PON3: variants seen among roughly 807,000 people sequenced by gnomAD.
PON3 encodes serum paraoxonase/lactonase 3.
In PON3, 37 loss-of-function variants were observed where a neutral mutation model predicts 36.3. That is an observed-to-expected ratio of 1.02 (90% CI 0.78 to 1.34). The LOEUF (loss-of-function observed/expected upper bound fraction) is 1.34. Ranked by LOEUF, PON3 falls within the 40% of genes most tolerant of loss-of-function variation. The pLI is 0.00. For synonymous variants in PON3, 155 were observed against 154.8 expected, an observed-to-expected ratio of 1.00 and a Z score of -0.01; for missense variants, 415 against 426.5, an observed-to-expected ratio of 0.97 and a Z score of 0.24.
At chr7:95,382,985 A>G (rs1269651372) in intron 3 of PON3, among the ~76,000 whole-genome samples, 1 of 152,204 alleles carries the variant, frequency 6.6e-6, no homozygotes, top group African/African-American at 2.4e-5. Context: ...CCAGCAGCAC[A>G]TCAAAAAGCT....
chr7:95,385,212 G>A (rs1809161352), intron 3 of PON3, among the ~76,000 whole-genome samples: 1 of 152,108 alleles, frequency 6.6e-6, no homozygotes, highest in Non-Finnish European at 1.5e-5. Context: ...GTGGGGTAGG[G>A]GGAAGAGGGA....
At chr7:95,362,986 G>C (rs1447222975) in intron 6 of PON3, 145 bp from the exon 7 acceptor site, 5 of 674,686 alleles carry the variant, frequency 7.4e-6, no homozygotes, top group South Asian at 1.6e-5. Flanking sequence ...GAAGATAATG[G>C]GGTAGTATTT....
At chr7:95,366,102 G>C (rs185408012) in intron 5 of PON3, among the ~76,000 whole-genome samples, 2 of 152,062 alleles carry the variant, frequency 1.3e-5, no homozygotes, top group African/African-American at 4.8e-5. Flanking sequence ...CCTCACACTG[G>C]TTTCTCAAGT....
At chr7:95,390,692 G>C (rs550813806) in intron 2 of PON3, among the ~76,000 whole-genome samples, 32 of 152,246 alleles carry the variant, frequency 2.1e-4, no homozygotes, top group African/African-American at 7.5e-4. Context: ...GGAAATTATT[G>C]AGTAATAAAC....
At chr7:95,373,969 A>G (rs1416132403) in intron 3 of PON3, among the ~76,000 whole-genome samples, 3 of 152,134 alleles carry the variant, frequency 2.0e-5, no homozygotes, top group Non-Finnish European at 4.4e-5. Context: ...GTGGCATTAA[A>G]TTCTCATAGG....
At position 95,386,194 on chromosome 7, in the gene PON3, C is replaced by A. The variant is rs1364513369; in HGVS notation, c.201+3960G>T. ...TTCAAAAAATCAATGAATGCAGGAGCTGCTCTTTTGAAAAAATCAACAAAA... is the reference window on the plus strand; with the variant it reads ...TTCAAAAAATCAATGAATGCAGGAGATGCTCTTTTGAAAAAATCAACAAAA... On this transcript the variant is annotated intron_variant, in intron 3 of 8. Transcript: ENST00000265627. Among the ~76,000 whole-genome samples the A allele has an allele frequency of 3.8e-4, 58 of 152,206 alleles. 1 individual carries two copies. The highest frequency in any genetic ancestry group is 3.8e-3 in the Admixed American group (58 of 15,274).
chr7:95,389,650 G>C lies in PON3; in HGVS notation c.201+504C>G, dbSNP rs575044104. ...TGCAGTCTGTTCTCTATTTCTCTTT[G>C]AAAGACTTGTTAAGAATGGCAGGGA... On this transcript the variant is annotated intron_variant, in intron 3 of 8. Coordinates refer to ENST00000265627, the MANE Select transcript of PON3 (RefSeq NM_000940.3). Among the ~76,000 whole-genome samples, 21 of 152,182 alleles carry C rather than the reference G, an allele frequency of 1.4e-4. No individual in the cohort carries two copies. In the South Asian group the frequency reaches 3.9e-3, roughly 29 times the overall value.
intron 4 of PON3, 32 bp downstream of exon 4, chr7:95,372,141 T>G (rs1294943099): frequency 1.4e-5 from 23 of 1,599,752 alleles, no homozygotes; most frequent in Non-Finnish European, 2.0e-5. Flanking sequence ...TTTCCCTCAT[T>G]TCCCCCTTAT....
rs1808826147 is a variant in PON3, at chr7:95,372,328, T to C, written c.212A>G (p.Tyr71Cys). ...TGGCGCAAAGTTTGGCATGCCTGGA[T>C]ATTTTAATCCCTTTTAAAAATAAAG... ...GLAFISSGLKYPGMPNFAPDE... is the reference protein window; with the variant it reads ...GLAFISSGLKCPGMPNFAPDE... Residue 71 changes from tyrosine to cysteine, a missense_variant, in exon 4 of 9, where the codon TAT becomes TGT. Tyr to Cys is a radical substitution (Grantham distance 194). Transcript: ENST00000265627. 1 of 1,613,758 alleles carries C rather than the reference T, an allele frequency of 6.2e-7. No individual in the cohort carries two copies.
chr7:95,362,676 C>T, intron 7 of PON3, 84 bp downstream of exon 7: 6 of 1,400,316 alleles, frequency 4.3e-6, no homozygotes, highest in Middle Eastern at 1.8e-4. Flanking sequence ...GCCATGTTTT[C>T]CTCATTCAAG....
intron 5 of PON3, chr7:95,364,939 A>C (rs1296983793): frequency 3.3e-5 from 5 of 152,178 alleles, no homozygotes; most frequent in Non-Finnish European, 7.4e-5. Flanking sequence ...ATAATGCTTA[A>C]ACATTTTTAG....
intron 3 of PON3, among the ~76,000 whole-genome samples, chr7:95,388,792 A>C (rs755182045): frequency 7.2e-5 from 11 of 152,202 alleles, no homozygotes; most frequent in Non-Finnish European, 1.5e-4. Flanking sequence ...CTTTGCAGGG[A>C]CATGGATGAA....
At chr7:95,380,736 T>C (rs1809032204) in intron 3 of PON3, among the ~76,000 whole-genome samples, 1 of 152,192 alleles carries the variant, frequency 6.6e-6, no homozygotes, top group African/African-American at 2.4e-5. Context: ...TTGGTGTACC[T>C]GAAAGTGACG....
intron 2 of PON3, 80 bp downstream of exon 2, chr7:95,394,564 A>T: frequency 7.8e-7 from 1 of 1,283,076 alleles, no homozygotes; most frequent in Non-Finnish European, 1.1e-6. Context: ...ACAGGTAATT[A>T]AATGAGCTGG....
rs569993455 is a variant in PON3, at chr7:95,369,976, T to C, written c.367+2197A>G. Among the ~76,000 whole-genome samples the C allele has an allele frequency of 2.1e-4, 32 of 152,184 alleles. No homozygotes were observed. The South Asian group carries it at 6.6e-3, about 32-fold the overall frequency. ...CATTCCAGGCAGAGGGAACAGCAGA[T>C]GTAAAGATCCTGAGGCATGAGACAC... On this transcript the variant is annotated intron_variant, in intron 4 of 8. Transcript: ENST00000265627.
intron 3 of PON3, among the ~76,000 whole-genome samples, chr7:95,389,737 A>C (rs1481385225): frequency 1.3e-5 from 2 of 152,338 alleles, no homozygotes; most frequent in Non-Finnish European, 2.9e-5. Flanking sequence ...TCGATCCACA[A>C]ACATTTGCAG....
intron 1 of PON3, 130 bp from the exon 2 acceptor site, chr7:95,394,844 A>T: frequency 1.3e-6 from 1 of 758,920 alleles, no homozygotes; most frequent in Non-Finnish European, 2.3e-6. Flanking sequence ...ATAACAAGTA[A>T]GTAGGTACTT....
intron 5 of PON3, chr7:95,365,955 C>G (rs924348045): frequency 6.6e-6 from 1 of 150,726 alleles, no homozygotes; most frequent in Non-Finnish European, 1.5e-5. Context: ...CTAATTACAT[C>G]TGCAATGACT....
chr7:95,379,419 GGA>G (rs1205089893), intron 3 of PON3, among the ~76,000 whole-genome samples: 2 of 152,264 alleles, frequency 1.3e-5, no homozygotes, highest in African/African-American at 4.8e-5. Flanking sequence ...ACCTCAGCCG[GGA>G]AGTGCAAAGG....
Sources: allele counts gnomAD v4.1 joint callset (sites outside exome capture counted in the v4.1 genomes callset), GRCh38; gene constraint gnomAD v4.1.1; transcripts MANE v1.5; gene names NCBI Gene and HGNC (gene_info 2026-07-23, HGNC 2026-07-21).